The following IFIT1B variants were observed in gnomAD, a reference collection of about 807,000 sequenced individuals.
IFIT1B encodes interferon induced protein with tetratricopeptide repeats 1B.
IFIT1B carries 3 observed loss-of-function variants against 2.5 expected under a neutral mutation model. The ratio of observed to expected loss-of-function variants is 1.21; its 90% CI spans 0.55 to 3.14. The LOEUF is 3.14. Among genes scored for constraint, IFIT1B ranks in the 30% most tolerant of loss-of-function variants. IFIT1B has a pLI of 0.03. For missense variants in IFIT1B, 545 were observed against 556.5 expected, an observed-to-expected ratio of 0.98 and a Z score of 0.21; for synonymous variants, 196 against 203.0, an observed-to-expected ratio of 0.97 and a Z score of 0.29.
At position 89,380,209 on chromosome 10, in the gene IFIT1B, T is replaced by C. The variant is rs537539292; in HGVS notation, c.5+2069T>C. Among the ~76,000 whole-genome samples, 10 of 152,278 alleles carry C rather than the reference T, an allele frequency of 6.6e-5. 1 individual carries two copies. In the East Asian group the frequency reaches 1.7e-3, roughly 26 times the overall value. On this transcript the variant is annotated intron_variant, in intron 1 of 1. Transcript: ENST00000371809. ...GAGGTGGCCTAAGGGGAATCTGGACTATCCCAGACTGAATAATGCCCACAT... is the reference window on the plus strand; with the variant it reads ...GAGGTGGCCTAAGGGGAATCTGGACCATCCCAGACTGAATAATGCCCACAT...
In IFIT1B at chr10:89,385,025, C is replaced by T; in HGVS notation, c.*287C>T. ...TGGAACATAGCAAGTAGTAACCGATCAAATTGCTATAACGTGTGTACTGAC... is the reference window on the plus strand; with the variant it reads ...TGGAACATAGCAAGTAGTAACCGATTAAATTGCTATAACGTGTGTACTGAC... On this transcript the variant is annotated 3_prime_UTR_variant, in exon 2 of 2. Transcript: ENST00000371809. 1 of 351,236 alleles carries T rather than the reference C, an allele frequency of 2.8e-6. No individual in the cohort carries two copies. The highest frequency in any genetic ancestry group is 5.2e-6 in the Non-Finnish European group (1 of 191,946). 21.8% of individuals were successfully genotyped at this position (351,236 alleles called of 1,614,324 possible).
At position 89,384,055 on chromosome 10, in the gene IFIT1B, T is replaced by A. The variant is rs781680465; in HGVS notation, c.742T>A (p.Ser248Thr). 6.2e-7 allele frequency: 1 copy of A among 1,614,190 alleles called. No homozygotes were observed. Among genetic ancestry groups the A allele is most frequent in the Non-Finnish European group, 8.5e-7 (1 of 1,180,038 alleles). ...CATTGAAGAAGCTCTGACCAGTATA[T>A]CTTCACAGGCCTATGTCTTTCAATA... ...KYIEEALTSI[S>T]SQAYVFQYAA... The change falls in exon 2 of 2, where the codon TCT becomes ACT. Residue 248 changes from serine (S) to threonine (T), a missense_variant. Transcript: ENST00000371809.
Position 89,384,161 on chromosome 10 carries a change from C to T in IFIT1B, c.848C>T (p.Thr283Ile). 6.2e-7 allele frequency: 1 copy of T among 1,614,200 alleles called. No individual in the cohort carries two copies. Among genetic ancestry groups the T allele is most frequent in the Non-Finnish European group, 8.5e-7 (1 of 1,180,032 alleles). ...LLKMALETTP[T>I]SAFLHHQMGL... Reference sequence around the variant, plus strand: ...AAAATGGCCTTGGAGACAACACCCACTTCTGCCTTCCTGCATCACCAAATG... The same window carrying T: ...AAAATGGCCTTGGAGACAACACCCATTTCTGCCTTCCTGCATCACCAAATG... The change falls in exon 2 of 2, where the codon ACT becomes ATT. Residue 283 changes from threonine (T) to isoleucine (I), a missense_variant. Thr to Ile is a moderately conservative substitution (Grantham distance 89, BLOSUM62 -1). Coordinates refer to ENST00000371809, the MANE Select transcript of IFIT1B (RefSeq NM_001010987.2).
Position 89,384,779 on chromosome 10 carries a change from A to G in IFIT1B, c.*41A>G. On this transcript the variant is annotated 3_prime_UTR_variant, in exon 2 of 2. Transcript: ENST00000371809. ...TATCCATTTAATGGTCTTATAACTA[A>G]ATAGAATGACTATGAAATTAAATAA... is the stretch of plus-strand genomic sequence containing the variant. The G allele has an allele frequency of 1.4e-6, 2 of 1,424,078 alleles. No homozygotes were observed. The highest frequency in any genetic ancestry group is 1.9e-6 in the Non-Finnish European group (2 of 1,041,536). 88.2% of individuals were successfully genotyped at this position (1,424,078 alleles called of 1,614,324 possible). A position where few individuals can be genotyped will look rare whatever the true frequency, so the allele number is the denominator to read the frequency against.
chr10:89,380,282 G>A (rs2133602372), intron 1 of IFIT1B, among the ~76,000 whole-genome samples: 1 of 152,220 alleles, frequency 6.6e-6, no homozygotes. Context: ...AGCAGATTGA[G>A]CTCCTCCTTC....
At chr10:89,379,725 G>A (rs747866298) in intron 1 of IFIT1B, among the ~76,000 whole-genome samples, 1 of 151,966 alleles carries the variant, frequency 6.6e-6, no homozygotes, top group South Asian at 2.1e-4. Flanking sequence ...TTAATATAAC[G>A]GGCTCCTGGT....
At position 89,384,962 on chromosome 10, in the gene IFIT1B, T is replaced by C. The variant is rs1402400703; in HGVS notation, c.*224T>C. On this transcript the variant is annotated 3_prime_UTR_variant, in exon 2 of 2. Coordinates refer to ENST00000371809, the MANE Select transcript of IFIT1B (RefSeq NM_001010987.2). ...CACCAGACATAAGACCCCCTGAAAG[T>C]ATCATCCCTCCTGATGGAATGGTAA... The C allele has an allele frequency of 1.6e-5, 8 of 510,210 alleles. No individual in the cohort carries two copies. Among genetic ancestry groups the C allele is most frequent in the Non-Finnish European group, 2.1e-5 (6 of 288,724 alleles). 31.6% of individuals were successfully genotyped at this position (510,210 alleles called of 1,614,324 possible).
Position 89,384,474 on chromosome 10 carries a change from C to T in IFIT1B, c.1161C>T (p.Phe387=). 3 of 1,614,104 alleles carry T rather than the reference C, an allele frequency of 1.9e-6. No individual in the cohort carries two copies. Among genetic ancestry groups the T allele is most frequent in the Non-Finnish European group, 2.5e-6 (3 of 1,180,022 alleles). ...AGATTCATTACCACTACGGCCGTTT[C>T]CAAGAACATCATGGGAAATCTCAAG... ...KQEIHYHYGR[F]QEHHGKSQDK... The change falls in exon 2 of 2, where the codon TTC becomes TTT. Residue 387 remains phenylalanine, a synonymous_variant. Transcript: ENST00000371809.
In IFIT1B at chr10:89,383,796, G is replaced by C. The variant is rs775389107; in HGVS notation, c.483G>C (p.Lys161Asn). The change falls in exon 2 of 2, where the codon AAG becomes AAC. Residue 161 changes from lysine (K) to asparagine (N), a missense_variant. Coordinates refer to ENST00000371809, the MANE Select transcript of IFIT1B (RefSeq NM_001010987.2). ...GTGGAAAGAATTATGAACGGGCCAAGACCTGCTTTGAAAAGGCTCTGGAAG... is the reference window on the plus strand; with the variant it reads ...GTGGAAAGAATTATGAACGGGCCAACACCTGCTTTGAAAAGGCTCTGGAAG... ...KCGGKNYERA[K>N]TCFEKALEGN... 7.4e-6 allele frequency: 12 copies of C among 1,614,170 alleles called. No homozygotes were observed. Among genetic ancestry groups the C allele is most frequent in the Non-Finnish European group, 1.0e-5 (12 of 1,180,032 alleles).
intron 1 of IFIT1B, among the ~76,000 whole-genome samples, chr10:89,380,035 A>C (rs1844151274): frequency 7.3e-6 from 1 of 137,574 alleles, no homozygotes; most frequent in Admixed American, 7.1e-5. Flanking sequence ...ACTCCGTCTC[A>C]AAAAAAAAAA....
At chr10:89,380,355 G>A (rs544228051) in intron 1 of IFIT1B, among the ~76,000 whole-genome samples, 1 of 152,160 alleles carries the variant, frequency 6.6e-6, no homozygotes, top group African/African-American at 2.4e-5. Context: ...CCAGGGAAAT[G>A]CCTCACAAAA....
Position 89,383,861 on chromosome 10 carries a change from T to G in IFIT1B, c.548T>G (p.Ile183Ser). ...CCTGAATTCAATACTGGGTACGCAATCACCGTCTATCGCCTGGATAAATTT... is the reference window on the plus strand; with the variant it reads ...CCTGAATTCAATACTGGGTACGCAAGCACCGTCTATCGCCTGGATAAATTT... ...ENPEFNTGYA[I>S]TVYRLDKFNT... Residue 183 changes from isoleucine to serine, a missense_variant, in exon 2 of 2, where the codon ATC becomes AGC. By Grantham distance (142) the Ile-to-Ser change is moderately radical. Transcript: ENST00000371809. 6.2e-7 allele frequency: 1 copy of G among 1,614,202 alleles called. No individual in the cohort carries two copies. The highest frequency in any genetic ancestry group is 1.1e-5 in the South Asian group (1 of 91,092).
intron 1 of IFIT1B, among the ~76,000 whole-genome samples, chr10:89,381,281 G>A (rs1208462684): frequency 1.3e-5 from 2 of 152,132 alleles, no homozygotes; most frequent in African/African-American, 2.4e-5. Flanking sequence ...ATGAGTGGAC[G>A]ATTTGGGTCA....
In IFIT1B at chr10:89,383,640, C is replaced by T. The variant is rs375153742; in HGVS notation, c.327C>T (p.Gly109=). 1.5e-5 allele frequency: 25 copies of T among 1,614,222 alleles called. No homozygotes were observed. Among genetic ancestry groups the T allele is most frequent in the Admixed American group, 5.0e-5 (3 of 60,030 alleles). ...GNFAWVYYHM[G]RLAEAQTYLD... Reference sequence around the variant, plus strand: ...TTGCCTGGGTGTATTACCACATGGGCAGATTGGCAGAAGCCCAGACTTACC... The same window carrying T: ...TTGCCTGGGTGTATTACCACATGGGTAGATTGGCAGAAGCCCAGACTTACC... The change falls in exon 2 of 2, where the codon GGC becomes GGT. Residue 109 remains glycine (G), a synonymous_variant. Coordinates refer to ENST00000371809, the MANE Select transcript of IFIT1B (RefSeq NM_001010987.2).
chr10:89,379,762 T>C lies in IFIT1B; in HGVS notation c.5+1622T>C, dbSNP rs575448144. On this transcript the variant is annotated intron_variant, in intron 1 of 1. Transcript: ENST00000371809. Reference sequence around the variant, plus strand: ...ATAAGATGTTAGTTGTGGCTGGGCATGGTGGCTCACACCTGTAATCCCAGC... The same window carrying C: ...ATAAGATGTTAGTTGTGGCTGGGCACGGTGGCTCACACCTGTAATCCCAGC... Among the ~76,000 whole-genome samples the C allele has an allele frequency of 1.8e-4, 28 of 152,244 alleles. No individual in the cohort carries two copies. In the East Asian group the frequency reaches 5.2e-3, roughly 28 times the overall value.
intron 1 of IFIT1B, among the ~76,000 whole-genome samples, chr10:89,379,335 G>A (rs918240357): frequency 1.3e-5 from 2 of 152,078 alleles, no homozygotes; most frequent in Non-Finnish European, 2.9e-5. Context: ...CTCTAGGGTG[G>A]GGCCCATCAA....
intron 1 of IFIT1B, among the ~76,000 whole-genome samples, chr10:89,379,250 C>T (rs1245814863): frequency 6.6e-6 from 1 of 152,164 alleles, no homozygotes; most frequent in Non-Finnish European, 1.5e-5. Context: ...CCCTGACTAG[C>T]AACATCAGCA....
intron 1 of IFIT1B, among the ~76,000 whole-genome samples, chr10:89,381,019 A>G (rs1481865276): frequency 6.6e-6 from 1 of 152,206 alleles, no homozygotes; most frequent in Non-Finnish European, 1.5e-5. Flanking sequence ...GAAAGCCAAA[A>G]TCTAGTATAC....
Position 89,384,610 on chromosome 10 carries a change from A to G in IFIT1B, c.1297A>G (p.Asn433Asp), listed in dbSNP as rs773849821. The G allele has an allele frequency of 6.2e-7, 1 of 1,614,192 alleles. No individual in the cohort carries two copies. The highest frequency in any genetic ancestry group is 1.1e-5 in the South Asian group (1 of 91,082). ...ATTGGCTAAAAGATGTATTCACCAG[A>G]ATGTACGGGTTGTGGAAAGTGTCAG... is the stretch of plus-strand genomic sequence containing the variant. ...EKLAKRCIHQ[N>D]VRVVESVSLL... The change falls in exon 2 of 2, where the codon AAT becomes GAT. Residue 433 changes from asparagine to aspartate, a missense_variant. Asn to Asp is a conservative substitution (Grantham distance 23). Transcript: ENST00000371809.
Sources: allele counts gnomAD v4.1 joint callset (sites outside exome capture counted in the v4.1 genomes callset), GRCh38; gene constraint gnomAD v4.1.1; transcripts MANE v1.5; gene names NCBI Gene and HGNC (gene_info 2026-07-23, HGNC 2026-07-21).